ZNF827: variants seen among roughly 807,000 people sequenced by gnomAD.
ZNF827 encodes zinc finger protein 827.
Under a neutral mutation model 102.4 loss-of-function variants are expected in ZNF827, and 13 were observed. That is an observed-to-expected ratio of 0.13 (90% CI 0.08 to 0.20). ZNF827 has a LOEUF of 0.20. ZNF827 is among the 10% of genes least tolerant of loss of function. The pLI is 1.00. For synonymous variants in ZNF827, 523 were observed against 536.2 expected (o/e 0.98, Z 0.34); for missense variants, 1,103 against 1,344.4 (o/e 0.82, Z 2.81).
intron 7 of ZNF827, among the ~76,000 whole-genome samples, chr4:145,833,706 C>G (rs1484319904): frequency 2.0e-5 from 3 of 151,952 alleles, no homozygotes; most frequent in Non-Finnish European, 4.4e-5. Flanking sequence ...CTCTGTGCCC[C>G]AATCCCTTAT....
intron 8 of ZNF827, among the ~76,000 whole-genome samples, chr4:145,780,138 C>T (rs559465030): frequency 1.3e-4 from 20 of 152,298 alleles, no homozygotes; most frequent in African/African-American, 4.6e-4. Flanking sequence ...TTGCAGTGAG[C>T]TGAGATCACG....
At chr4:145,850,059 G>A (rs565680824) in intron 5 of ZNF827, among the ~76,000 whole-genome samples, 2 of 151,650 alleles carry the variant, frequency 1.3e-5, no homozygotes, top group African/African-American at 4.8e-5. Flanking sequence ...GCCCAGGCTG[G>A]AGTGCAATGG....
At chr4:145,931,600 G>C (rs1753810945) in intron 1 of ZNF827, among the ~76,000 whole-genome samples, 1 of 152,152 alleles carries the variant, frequency 6.6e-6, no homozygotes, top group African/African-American at 2.4e-5. Flanking sequence ...ATCTTGTTCT[G>C]TGATCAGTCT....
intron 1 of ZNF827, among the ~76,000 whole-genome samples, chr4:145,914,970 G>A (rs1455235811): frequency 2.6e-5 from 4 of 152,166 alleles, no homozygotes; most frequent in African/African-American, 7.2e-5. Context: ...AGCTGATTTC[G>A]TGTTGCTAAA....
intron 1 of ZNF827, among the ~76,000 whole-genome samples, chr4:145,931,544 T>C (rs1753807223): frequency 6.6e-6 from 1 of 152,220 alleles, no homozygotes; most frequent in Admixed American, 6.5e-5. Context: ...ATGCTGGAAA[T>C]CCTTAACGCC....
intron 3 of ZNF827, among the ~76,000 whole-genome samples, chr4:145,891,638 T>C (rs928347419): frequency 3.3e-5 from 5 of 152,200 alleles, no homozygotes; most frequent in Non-Finnish European, 5.9e-5. Context: ...GGAATTATGA[T>C]AGCTCAAACA....
At chr4:145,938,293 G>C in intron 1 of ZNF827, 72 bp downstream of exon 1, 2 of 1,566,210 alleles carry the variant, frequency 1.3e-6, no homozygotes, top group Non-Finnish European at 1.8e-6. Flanking sequence ...CAACGGAGGA[G>C]GCTGCGGAGG....
At chr4:145,820,806 G>A (rs1239004801) in intron 8 of ZNF827, among the ~76,000 whole-genome samples, 1 of 152,076 alleles carries the variant, frequency 6.6e-6, no homozygotes, top group Non-Finnish European at 1.5e-5. Context: ...TCTGCTGCCG[G>A]ATTGGTCTTT....
At chr4:145,907,407 C>T (rs1366113946) in intron 1 of ZNF827, among the ~76,000 whole-genome samples, 1 of 152,216 alleles carries the variant, frequency 6.6e-6, no homozygotes, top group Non-Finnish European at 1.5e-5. Flanking sequence ...CAAAACAAAG[C>T]ATTTTTTTAA....
chr4:145,846,599 C>T (rs28672829), intron 6 of ZNF827, among the ~76,000 whole-genome samples: 46,096 of 140,796 alleles, frequency 0.33, 6,890 homozygotes, highest in African/African-American at 0.38. Context: ...GGTGGATCAC[C>T]TGAGGTCAGG....
chr4:145,930,872 T>C (rs1236136046), intron 1 of ZNF827, among the ~76,000 whole-genome samples: 1 of 152,198 alleles, frequency 6.6e-6, no homozygotes, highest in Non-Finnish European at 1.5e-5. Flanking sequence ...TGTGTGTACA[T>C]GCAGTGAAGC....
In ZNF827 at chr4:145,758,714, G is replaced by A. The variant is rs1167218838; in HGVS notation, c.*2902C>T. 6.6e-6 allele frequency: 1 copy of A among 152,212 alleles called. No homozygotes were observed. Among genetic ancestry groups the A allele is most frequent in the Non-Finnish European group, 1.5e-5 (1 of 68,066 alleles). The allele number at this position is 152,212 out of a possible 1,614,324, so 9.4% of individuals were successfully genotyped here. A position where few individuals can be genotyped will look rare whatever the true frequency, so the allele number is the denominator to read the frequency against. ...CGAGGTTGAACATCGTTTCAAACCTGGCCAAGAGCAAAGGTCTCTGCTGGA... is the reference window on the plus strand; with the variant it reads ...CGAGGTTGAACATCGTTTCAAACCTAGCCAAGAGCAAAGGTCTCTGCTGGA... On this transcript the variant is annotated 3_prime_UTR_variant, in exon 15 of 15. Transcript: ENST00000508784.
intron 5 of ZNF827, among the ~76,000 whole-genome samples, chr4:145,863,427 C>T (rs2126726172): frequency 6.6e-6 from 1 of 152,222 alleles, no homozygotes; most frequent in East Asian, 1.9e-4. Flanking sequence ...AAAACCTAAG[C>T]CCACACAAAA....
At chr4:145,848,940 A>ACTT (rs1746249121) in intron 6 of ZNF827, among the ~76,000 whole-genome samples, 10 of 152,164 alleles carry the variant, frequency 6.6e-5, no homozygotes, top group African/African-American at 2.2e-4. Flanking sequence ...TTTGGAAGTC[A>ACTT]TAGTAATTCA....
chr4:145,857,345 G>C (rs537625223), intron 5 of ZNF827, among the ~76,000 whole-genome samples: 1 of 152,322 alleles, frequency 6.6e-6, no homozygotes, highest in African/African-American at 2.4e-5. Flanking sequence ...AAGAGTTAGT[G>C]AGACTTGGAA....
At chr4:145,922,518 G>C (rs1356881270) in intron 1 of ZNF827, among the ~76,000 whole-genome samples, 1 of 152,150 alleles carries the variant, frequency 6.6e-6, no homozygotes, top group East Asian at 1.9e-4. Context: ...AAACCAAGGA[G>C]AAAAGCCCTG....
chr4:145,937,979 T>C (rs1342884296), intron 1 of ZNF827, among the ~76,000 whole-genome samples: 200 of 60,602 alleles, frequency 3.3e-3, no homozygotes, highest in Admixed American at 5.0e-3. Flanking sequence ...CTCTCCCACC[T>C]CCCCCCACCA....
intron 7 of ZNF827, among the ~76,000 whole-genome samples, chr4:145,827,850 G>C (rs1199478045): frequency 6.6e-6 from 1 of 152,254 alleles, no homozygotes; most frequent in African/African-American, 2.4e-5. Context: ...TTTGTCCCAT[G>C]AAAGTTCATT....
At chr4:145,826,567 CAGAATA>C (rs1158238054) in intron 7 of ZNF827, among the ~76,000 whole-genome samples, 1 of 152,118 alleles carries the variant, frequency 6.6e-6, no homozygotes, top group Non-Finnish European at 1.5e-5. Flanking sequence ...ACTCTTAATC[CAGAATA>C]AGAATAATGT....
Sources: gnomAD v4.1 joint callset for allele counts (sites outside exome capture counted in the v4.1 genomes callset) on GRCh38, gnomAD v4.1.1 for gene constraint, MANE v1.5 for transcripts, NCBI Gene and HGNC (gene_info 2026-07-23, HGNC 2026-07-21) for gene names.